Variants in MAOB observed in about 807,000 individuals in gnomAD.
MAOB encodes the protein amine oxidase [flavin-containing] B.
In MAOB, 15 loss-of-function variants were observed where a neutral mutation model predicts 41.9. The ratio of observed to expected loss-of-function variants is 0.36; its 90% CI spans 0.24 to 0.55. MAOB has a LOEUF of 0.55. Among genes scored for constraint, MAOB ranks in the 20% least tolerant of loss-of-function variants. The pLI is 0.86. For missense variants in MAOB, 345 were observed against 398.7 expected, an observed-to-expected ratio of 0.87 and a Z score of 1.15; for synonymous variants, 167 against 144.2, an observed-to-expected ratio of 1.16 and a Z score of -1.13.
At chrX:43,800,130 G>A (rs1249146546) in intron 5 of MAOB, among the ~76,000 whole-genome samples, 1 of 111,066 alleles carries the variant, frequency 9.0e-6, no homozygotes, top group Non-Finnish European at 1.9e-5. Context: ...TATACTCCTA[G>A]TATCTCAGAA....
Position 43,766,618 on chromosome X carries a change from A to G in MAOB, c.*848T>C, listed in dbSNP as rs1285509662. 8.9e-6 allele frequency: 1 copy of G among 112,124 alleles called. No individual in the cohort carries two copies. Among genetic ancestry groups the G allele is most frequent in the Non-Finnish European group, 1.9e-5 (1 of 53,308 alleles). The allele number at this position is 112,124 out of a possible 1,213,427, so 9.2% of individuals were successfully genotyped here. A position where few individuals can be genotyped will look rare whatever the true frequency, so the allele number is the denominator to read the frequency against. On this transcript the variant is annotated 3_prime_UTR_variant, in exon 15 of 15. Coordinates refer to ENST00000378069, the MANE Select transcript of MAOB (RefSeq NM_000898.5). ...AAAGAAAGGACAGCAGATATGGTCAATCAACTTTTATTTTTAATTACCCAA... is the reference window on the plus strand; with the variant it reads ...AAAGAAAGGACAGCAGATATGGTCAGTCAACTTTTATTTTTAATTACCCAA...
At chrX:43,877,204 C>T (rs1474145165) in intron 1 of MAOB, among the ~76,000 whole-genome samples, 1 of 112,171 alleles carries the variant, frequency 8.9e-6, no homozygotes, top group Non-Finnish European at 1.9e-5. Context: ...ACACCATGCT[C>T]TTAACCCCTA....
chrX:43,857,528 G>A (rs1025793788), intron 1 of MAOB, among the ~76,000 whole-genome samples: 2 of 110,843 alleles, frequency 1.8e-5, no homozygotes, highest in Non-Finnish European at 3.8e-5. Flanking sequence ...AAATCTTGCA[G>A]CAAGGCTAAC....
chrX:43,836,814 C>T (rs1350694463), intron 3 of MAOB, among the ~76,000 whole-genome samples: 1 of 112,188 alleles, frequency 8.9e-6, no homozygotes, highest in Non-Finnish European at 1.9e-5. Context: ...ATATAAAGAG[C>T]ATTATTGGCA....
At chrX:43,816,360 T>A (rs1386014289) in intron 3 of MAOB, among the ~76,000 whole-genome samples, 1 of 112,072 alleles carries the variant, frequency 8.9e-6, no homozygotes, top group Admixed American at 9.5e-5. Flanking sequence ...AACAAAAATT[T>A]ACATACTCAG....
At chrX:43,848,689 G>A (rs2035228990) in intron 1 of MAOB, among the ~76,000 whole-genome samples, 1 of 111,912 alleles carries the variant, frequency 8.9e-6, no homozygotes, top group Non-Finnish European at 1.9e-5. Context: ...AAGTAGCTGG[G>A]ATTACACGCA....
intron 3 of MAOB, among the ~76,000 whole-genome samples, chrX:43,809,038 C>T (rs2034709112): frequency 2.7e-5 from 3 of 110,846 alleles, no homozygotes; most frequent in Admixed American, 1.9e-4. Context: ...AGATGGGCAC[C>T]TCTCCACCAT....
chrX:43,876,167 T>G, intron 1 of MAOB, among the ~76,000 whole-genome samples: 1 of 111,256 alleles, frequency 9.0e-6, no homozygotes, highest in Admixed American at 9.6e-5. Context: ...ACCATGTTGT[T>G]CAGGCTGGTC....
intron 1 of MAOB, among the ~76,000 whole-genome samples, chrX:43,874,275 T>C (rs973323572): frequency 8.3e-4 from 93 of 112,045 alleles, no homozygotes; most frequent in African/African-American, 2.8e-3. Flanking sequence ...ACTTCTTTTC[T>C]GGATAGGCTG....
At chrX:43,791,779 T>C (rs1308836298) in intron 8 of MAOB, among the ~76,000 whole-genome samples, 1 of 111,431 alleles carries the variant, frequency 9.0e-6, no homozygotes, top group Non-Finnish European at 1.9e-5. Context: ...ATTAATTAAA[T>C]AGAATTTTAA....
At chrX:43,877,637 G>T (rs1402815687) in intron 1 of MAOB, among the ~76,000 whole-genome samples, 2 of 111,558 alleles carry the variant, frequency 1.8e-5, no homozygotes, top group African/African-American at 6.5e-5. Flanking sequence ...GTTAAGACAG[G>T]AATCAAATGG....
chrX:43,832,434 AT>A (rs1476453164), intron 3 of MAOB, among the ~76,000 whole-genome samples: 1 of 111,163 alleles, frequency 9.0e-6, no homozygotes, highest in African/African-American at 3.3e-5. Flanking sequence ...TTCCAAATGG[AT>A]TTTTTTCTGC....
At chrX:43,799,750 A>G (rs1325518716) in intron 5 of MAOB, among the ~76,000 whole-genome samples, 2 of 111,904 alleles carry the variant, frequency 1.8e-5, no homozygotes, top group Non-Finnish European at 3.8e-5. Context: ...CATGAAAAAT[A>G]CATACACATT....
chrX:43,826,077 C>T (rs1266666535), intron 3 of MAOB, among the ~76,000 whole-genome samples: 2 of 112,332 alleles, frequency 1.8e-5, no homozygotes, highest in Non-Finnish European at 3.8e-5. Context: ...TTTATATCCT[C>T]CCCAGATAAC....
rs184004433 is a variant in MAOB at position 43,836,652 on chromosome X, C to T, written c.279+2216G>A. ...AGCAATACAGGAATACGAAAATCTA[C>T]GAACCAAGAGAGTATTTTAGAGTGA... On this transcript the variant is annotated intron_variant, in intron 3 of 14. Transcript: ENST00000378069. 3.3e-3 allele frequency among the ~76,000 whole-genome samples: 370 copies of T among 111,972 alleles called. 1 individual carries two copies. The highest frequency in any genetic ancestry group is 0.01 in the African/African-American group (323 of 30,818).
chrX:43,802,311 C>CT, intron 4 of MAOB, 48 bp from the exon 5 acceptor site: 1 of 860,471 alleles, frequency 1.2e-6, no homozygotes, highest in African/African-American at 2.0e-5. Context: ...GTAATTTTCT[C>CT]TTTTATTTTA....
intron 3 of MAOB, among the ~76,000 whole-genome samples, chrX:43,820,364 TTAAA>T (rs2034866533): frequency 8.9e-6 from 1 of 112,366 alleles, no homozygotes; most frequent in Non-Finnish European, 1.9e-5. Flanking sequence ...AAGTGCTTGT[TTAAA>T]TAGCTGTTAT....
At chrX:43,830,552 C>G (rs766841499) in intron 3 of MAOB, among the ~76,000 whole-genome samples, 13 of 111,895 alleles carry the variant, frequency 1.2e-4, no homozygotes, top group Non-Finnish European at 2.4e-4. Context: ...CCTAGCCTAC[C>G]AATAACACAG....
At chrX:43,878,426 G>GTGTC (rs2035453947) in intron 1 of MAOB, among the ~76,000 whole-genome samples, 1 of 108,586 alleles carries the variant, frequency 9.2e-6, no homozygotes, top group South Asian at 4.1e-4. Flanking sequence ...GTGTGTGTGT[G>GTGTC]TGTGTGTGTG....
Sources: allele counts gnomAD v4.1 joint callset (sites outside exome capture counted in the v4.1 genomes callset), GRCh38; gene constraint gnomAD v4.1.1; transcripts MANE v1.5; gene names NCBI Gene and HGNC (gene_info 2026-07-23, HGNC 2026-07-21).